The following FRMD4A variants were observed in gnomAD, a reference collection of about 807,000 sequenced individuals.
The protein encoded by FRMD4A is FERM domain-containing protein 4A.
In FRMD4A, 29 loss-of-function variants were observed where a neutral mutation model predicts 129.1. The ratio of observed to expected loss-of-function variants is 0.22; its 90% CI spans 0.17 to 0.31. The LOEUF (loss-of-function observed/expected upper bound fraction) is 0.31. Ranked by LOEUF, FRMD4A falls within the 10% of genes least tolerant of loss-of-function variation. The pLI is 1.00. For synonymous variants in FRMD4A, 634 were observed against 571.6 expected, an observed-to-expected ratio of 1.11 and a Z score of -1.56; for missense variants, 1,272 against 1,375.8, an observed-to-expected ratio of 0.92 and a Z score of 1.19.
At chr10:14,282,256 A>G (rs1845545612) in intron 2 of FRMD4A, among the ~76,000 whole-genome samples, 1 of 152,182 alleles carries the variant, frequency 6.6e-6, no homozygotes, top group African/African-American at 2.4e-5. Flanking sequence ...CAGCCAAAGC[A>G]TATCAATATC....
intron 2 of FRMD4A, among the ~76,000 whole-genome samples, chr10:13,975,615 ATGTG>A (rs893241700): frequency 7.8e-4 from 116 of 148,194 alleles, no homozygotes; most frequent in African/African-American, 2.7e-3. Flanking sequence ...GTGTGTGTCT[ATGTG>A]TGTGTCTATC....
intron 2 of FRMD4A, among the ~76,000 whole-genome samples, chr10:14,045,867 CATATTATATATGGT>C (rs1372537487): frequency 6.9e-6 from 1 of 145,580 alleles, no homozygotes; most frequent in Non-Finnish European, 1.5e-5. Context: ...AATTATATAT[CATATTATATATGGT>C]ATAATTATGA....
chr10:13,965,078 T>TG (rs200109909), intron 2 of FRMD4A, among the ~76,000 whole-genome samples: 6 of 151,790 alleles, frequency 4.0e-5, no homozygotes, highest in Admixed American at 3.9e-4. Flanking sequence ...TTTTTTTTTT[T>TG]TTTGAATTCA....
At chr10:14,307,810 C>T (rs1218407) in intron 2 of FRMD4A, among the ~76,000 whole-genome samples, 7,140 of 152,252 alleles carry the variant, frequency 0.047, 479 homozygotes, top group African/African-American at 0.15. Context: ...AAAAGAGCCG[C>T]GAGTTACAGG....
At chr10:13,707,452 G>A (rs887275496) in intron 12 of FRMD4A, 50 of 1,041,336 alleles carry the variant, frequency 4.8e-5, no homozygotes, top group Non-Finnish European at 5.6e-5. Flanking sequence ...GGAGAGGGAG[G>A]AGAGGTGGAG....
chr10:14,086,075 G>A (rs1331752580), intron 2 of FRMD4A, among the ~76,000 whole-genome samples: 2 of 152,044 alleles, frequency 1.3e-5, no homozygotes, highest in Non-Finnish European at 2.9e-5. Flanking sequence ...TATTTCTTTA[G>A]TTAATGTACA....
At chr10:13,891,812 T>G (rs2131165407) in intron 2 of FRMD4A, 2 of 865,678 alleles carry the variant, frequency 2.3e-6, no homozygotes, top group Middle Eastern at 6.0e-4. Context: ...CGTCAGCCCA[T>G]AGCCCGCTCG....
chr10:14,085,017 T>C (rs1051659797), intron 2 of FRMD4A, among the ~76,000 whole-genome samples: 1 of 152,198 alleles, frequency 6.6e-6, no homozygotes, highest in African/African-American at 2.4e-5. Flanking sequence ...TTGCCACACC[T>C]GAATAAAAAC....
chr10:14,231,438 G>A (rs1172827394), intron 2 of FRMD4A, among the ~76,000 whole-genome samples: 1 of 151,950 alleles, frequency 6.6e-6, no homozygotes, highest in Non-Finnish European at 1.5e-5. Flanking sequence ...CACCTCCCGG[G>A]TTCACACCCT....
intron 6 of FRMD4A, among the ~76,000 whole-genome samples, chr10:13,778,349 G>A (rs2092651368): frequency 6.6e-6 from 1 of 152,120 alleles, no homozygotes; most frequent in Non-Finnish European, 1.5e-5. Flanking sequence ...ACCTGGAACT[G>A]CATTATGGTA....
chr10:13,696,308 C>G (rs991043865), intron 14 of FRMD4A, among the ~76,000 whole-genome samples: 6 of 152,188 alleles, frequency 3.9e-5, no homozygotes, highest in African/African-American at 1.4e-4. Context: ...CCATGACTTC[C>G]TTTCTTTCTA....
chr10:14,303,787 C>A (rs1846261166), intron 2 of FRMD4A, among the ~76,000 whole-genome samples: 1 of 152,122 alleles, frequency 6.6e-6, no homozygotes, highest in African/African-American at 2.4e-5. Context: ...CCTTGGCAAT[C>A]ATCATTCTGA....
chr10:14,169,042 T>C (rs1239422666), intron 2 of FRMD4A, among the ~76,000 whole-genome samples: 3 of 152,248 alleles, frequency 2.0e-5, no homozygotes, highest in African/African-American at 7.2e-5. Flanking sequence ...TGCATCATAG[T>C]GGCTCTTTGT....
At chr10:13,697,323 T>C (rs1488116968) in intron 14 of FRMD4A, among the ~76,000 whole-genome samples, 1 of 152,114 alleles carries the variant, frequency 6.6e-6, no homozygotes, top group Non-Finnish European at 1.5e-5. Flanking sequence ...CGCCTGGCTA[T>C]TTTTAGTAGA....
chr10:13,966,843 G>A (rs1442133770), intron 2 of FRMD4A, among the ~76,000 whole-genome samples: 1 of 152,262 alleles, frequency 6.6e-6, no homozygotes, highest in African/African-American at 2.4e-5. Context: ...ATCAATCAAT[G>A]AGTGGATAAA....
intron 12 of FRMD4A, chr10:13,711,952 C>T (rs1212320941): frequency 2.0e-5 from 3 of 152,240 alleles, no homozygotes; most frequent in Admixed American, 6.5e-5. Flanking sequence ...ACAGCTCTTA[C>T]TGACTAATGG....
intron 2 of FRMD4A, among the ~76,000 whole-genome samples, chr10:14,130,138 C>G (rs374123131): frequency 3.0e-4 from 45 of 152,320 alleles, no homozygotes; most frequent in African/African-American, 1.1e-3. Flanking sequence ...CCCACAGATA[C>G]CTTCCATTCT....
intron 2 of FRMD4A, among the ~76,000 whole-genome samples, chr10:14,001,488 T>C (rs2095642659): frequency 6.6e-6 from 1 of 152,190 alleles, no homozygotes; most frequent in Non-Finnish European, 1.5e-5. Flanking sequence ...GCTTGAGGAA[T>C]GAAAACTCTG....
chr10:14,042,993 T>C (rs576552651), intron 2 of FRMD4A, among the ~76,000 whole-genome samples: 3 of 149,546 alleles, frequency 2.0e-5, no homozygotes, highest in African/African-American at 4.9e-5. Context: ...TTCTCCCTGG[T>C]GCAGAAAGAG....
Sources: allele counts gnomAD v4.1 joint callset (sites outside exome capture counted in the v4.1 genomes callset), GRCh38; gene constraint gnomAD v4.1.1; transcripts MANE v1.5; gene names NCBI Gene and HGNC (gene_info 2026-07-23, HGNC 2026-07-21).